The following SETD3 variants were observed in gnomAD, a reference collection of about 807,000 sequenced individuals.
SETD3 encodes actin-histidine N-methyltransferase.
SETD3 carries 19 observed loss-of-function variants against 63.0 expected under a neutral mutation model. That is an observed-to-expected ratio of 0.30 (90% CI 0.21 to 0.44). The LOEUF (loss-of-function observed/expected upper bound fraction) is 0.44, where lower values mean the gene tolerates loss of function less well. Ranked by LOEUF, SETD3 falls within the 20% of genes least tolerant of loss-of-function variation. The pLI is 1.00. For synonymous variants in SETD3, 286 were observed against 264.1 expected (o/e 1.08, Z -0.80); for missense variants, 587 against 728.5 (o/e 0.81, Z 2.24).
At position 99,422,910 on chromosome 14, in the gene SETD3, T is replaced by C. The variant is rs371378317; in HGVS notation, c.676-8976A>G. Among the ~76,000 whole-genome samples the C allele has an allele frequency of 9.9e-4, 150 of 152,284 alleles. 1 individual carries two copies. In the South Asian group the frequency reaches 0.011, roughly 11 times the overall value. On this transcript the variant is annotated intron_variant, in intron 6 of 12. Transcript: ENST00000331768. ...GGAGCCCCGCGGCCCCCAAGGCGCC[T>C]GGGGACAGAGGGTTTGTGGACACCA...
intron 6 of SETD3, among the ~76,000 whole-genome samples, chr14:99,443,886 T>G (rs895454916): frequency 6.6e-6 from 1 of 152,168 alleles, no homozygotes; most frequent in African/African-American, 2.4e-5. Flanking sequence ...AATCAGATCT[T>G]GAGCAGGGTC....
intron 1 of SETD3, among the ~76,000 whole-genome samples, chr14:99,469,124 G>A (rs559487445): frequency 2.0e-5 from 3 of 152,292 alleles, no homozygotes; most frequent in Non-Finnish European, 4.4e-5. Flanking sequence ...TTCTACAGTC[G>A]AGTACTTGTA....
chr14:99,429,087 G>A (rs1893036714), intron 6 of SETD3, among the ~76,000 whole-genome samples: 1 of 152,154 alleles, frequency 6.6e-6, no homozygotes, highest in African/African-American at 2.4e-5. Context: ...AAGATGGGCT[G>A]GAATCTGCCA....
rs1202038022 is a variant in SETD3 at position 99,405,382 on chromosome 14, G to A, written c.925-11C>T. On this transcript the variant is annotated splice_polypyrimidine_tract_variant and intron_variant, in intron 9 of 12. Transcript: ENST00000331768. ...ATAAAAAATGTAAATCTGAGATGCA[G>A]TAAAGAAAAAAGAAAAGGGCATTAG... 6.2e-7 allele frequency: 1 copy of A among 1,607,158 alleles called. No homozygotes were observed. The highest frequency in any genetic ancestry group is 8.5e-7 in the Non-Finnish European group (1 of 1,177,510).
chr14:99,404,283 G>C lies in SETD3; in HGVS notation c.1119C>G (p.Thr373=). 2 of 1,614,014 alleles carry C rather than the reference G, an allele frequency of 1.2e-6. No homozygotes were observed. The highest frequency in any genetic ancestry group is 1.7e-6 in the Non-Finnish European group (2 of 1,179,956). ...AAAGCTGAGCAGAGATGGGCGGCTC[G>C]GTAAAATGCAATGCAAAAACACTGG... The part of the protein sequence containing the change: ...PTSSVFALHF[T]EPPISAQLLA... The change falls in exon 11 of 13, where the codon ACC becomes ACG. Residue 373 remains threonine, a synonymous_variant. Coordinates refer to ENST00000331768, the MANE Select transcript of SETD3 (RefSeq NM_032233.3).
Position 99,398,758 on chromosome 14 carries a change from CTT to C in SETD3, c.1704_1705del (p.Leu570GlnfsTer5), listed in dbSNP as rs1423105416. ...TGCTCTTTTACTTTCTTGATTGAGA[CTT>C]TCATTTTCGGACCTGGTCCCATTAG... On this transcript the variant is annotated frameshift_variant, in exon 13 of 13. Coordinates refer to ENST00000331768, the MANE Select transcript of SETD3 (RefSeq NM_032233.3). LOFTEE classifies it low-confidence loss of function (END_TRUNC). 6.2e-7 allele frequency: 1 copy of C among 1,614,232 alleles called. No homozygotes were observed. Among genetic ancestry groups the C allele is most frequent in the Admixed American group, 1.7e-5 (1 of 60,030 alleles).
chr14:99,427,827 G>C (rs778048732), intron 6 of SETD3, among the ~76,000 whole-genome samples: 1 of 152,192 alleles, frequency 6.6e-6, no homozygotes, highest in Admixed American at 6.5e-5. Flanking sequence ...TACATGACAC[G>C]TGCTGGAATT....
chr14:99,405,397 A>C, intron 9 of SETD3, 26 bp from the exon 10 acceptor site: 1 of 1,606,168 alleles, frequency 6.2e-7, no homozygotes. Context: ...GAAAAAAGAA[A>C]AGGGCATTAG....
At chr14:99,402,701 C>T (rs1891450003) in intron 11 of SETD3, among the ~76,000 whole-genome samples, 1 of 152,188 alleles carries the variant, frequency 6.6e-6, no homozygotes, top group Non-Finnish European at 1.5e-5. Flanking sequence ...CTCAGCCTCC[C>T]GAGTAGCTGG....
intron 8 of SETD3, chr14:99,410,398 G>C (rs908472260): frequency 1.0e-5 from 8 of 782,340 alleles, no homozygotes; most frequent in African/African-American, 1.8e-5. Context: ...CCCTGAAAAA[G>C]AACTTCCCTC....
intron 6 of SETD3, among the ~76,000 whole-genome samples, chr14:99,431,119 T>C (rs992962261): frequency 9.2e-5 from 14 of 152,244 alleles, no homozygotes; most frequent in African/African-American, 3.4e-4. Flanking sequence ...TCCAATCCTC[T>C]TCACCTAACC....
At chr14:99,419,995 G>A (rs898685646) in intron 6 of SETD3, among the ~76,000 whole-genome samples, 1 of 152,176 alleles carries the variant, frequency 6.6e-6, no homozygotes, top group African/African-American at 2.4e-5. Flanking sequence ...CTCCGAAGTG[G>A]AAGGCACTGT....
chr14:99,398,937 C>T lies in SETD3; in HGVS notation c.1527G>A (p.Leu509=), dbSNP rs1359232228. 6.2e-7 allele frequency: 1 copy of T among 1,614,106 alleles called. No individual in the cohort carries two copies. Among genetic ancestry groups the T allele is most frequent in the Admixed American group, 1.7e-5 (1 of 60,030 alleles). ...LPKYEESNLG[L]LESSVGDSRL... ...TCGAGTCCCCCACGCTGCTCTCCAA[C>T]AGCCCAAGGTTACTCTCTTCATATT... The change falls in exon 13 of 13, where the codon CTG becomes CTA. Residue 509 remains leucine (L), a synonymous_variant. Coordinates refer to ENST00000331768, the MANE Select transcript of SETD3 (RefSeq NM_032233.3).
chr14:99,431,912 A>C (rs1893204562), intron 6 of SETD3, among the ~76,000 whole-genome samples: 1 of 152,196 alleles, frequency 6.6e-6, no homozygotes, highest in Non-Finnish European at 1.5e-5. Context: ...TCTTATTACA[A>C]GTCAATTTTA....
rs533207268 is a variant in SETD3, at chr14:99,410,305, T to C, written c.849+2646A>G. On this transcript the variant is annotated intron_variant, in intron 8 of 12. Transcript: ENST00000331768. ...GTTGTTCGGAGAGACTTGTCTGCTA[T>C]TGTAAAAATGGGCTTTTGAGACTGT... 3.6e-4 allele frequency: 578 copies of C among 1,598,926 alleles called. 4 individuals are homozygous for C. In the South Asian group the frequency reaches 6.0e-3, roughly 17 times the overall value.
At chr14:99,459,804 A>G (rs895076513) in intron 4 of SETD3, among the ~76,000 whole-genome samples, 6 of 152,244 alleles carry the variant, frequency 3.9e-5, no homozygotes, top group Non-Finnish European at 7.3e-5. Flanking sequence ...AAACATGCAC[A>G]TGGCGCTCCA....
At chr14:99,485,622 T>C (rs1896465752), upstream of SETD3, among the ~76,000 whole-genome samples, 1 of 152,160 alleles carries the variant, frequency 6.6e-6, no homozygotes, top group African/African-American at 2.4e-5. Context: ...CTGAAAAATA[T>C]ATAAAAACCA....
chr14:99,409,145 C>T (rs532391212), intron 8 of SETD3, among the ~76,000 whole-genome samples: 7 of 152,286 alleles, frequency 4.6e-5, no homozygotes, highest in African/African-American at 1.7e-4. Flanking sequence ...CCCAGCTCCA[C>T]GTGCCGCTTC....
At chr14:99,433,373 AT>A (rs1893288716) in intron 6 of SETD3, among the ~76,000 whole-genome samples, 1 of 152,134 alleles carries the variant, frequency 6.6e-6, no homozygotes, top group African/African-American at 2.4e-5. Flanking sequence ...TATATTAATA[AT>A]TTTTATATTA....
Sources: allele counts gnomAD v4.1 joint callset (sites outside exome capture counted in the v4.1 genomes callset), GRCh38; gene constraint gnomAD v4.1.1; transcripts MANE v1.5; gene names NCBI Gene and HGNC (gene_info 2026-07-23, HGNC 2026-07-21).